DCHS2: variants seen among roughly 807,000 people sequenced by gnomAD.
The protein encoded by DCHS2 is dachsous cadherin-related 2, also known as protocadherin-23.
Under a neutral mutation model 182.4 loss-of-function variants are expected in DCHS2, and 142 were observed. That is an observed-to-expected ratio of 0.78 (90% CI 0.68 to 0.89). The LOEUF (loss-of-function observed/expected upper bound fraction) is 0.89, where lower values mean the gene tolerates loss of function less well. Ranked by LOEUF, DCHS2 falls within the 40% of genes least tolerant of loss-of-function variation. The pLI, the probability that DCHS2 is intolerant of heterozygous loss-of-function variation, is 0.00. For synonymous variants in DCHS2, 1,740 were observed against 1,663.3 expected (o/e 1.05, Z -1.12); for missense variants, 4,319 against 4,198.6 (o/e 1.03, Z -0.79).
At chr4:154,424,514 C>T (rs941502043) in intron 1 of DCHS2, among the ~76,000 whole-genome samples, 1 of 152,106 alleles carries the variant, frequency 6.6e-6, no homozygotes, top group African/African-American at 2.4e-5. Flanking sequence ...AGCTACAGAT[C>T]CAAACAACTA....
At chr4:154,349,058 G>T (rs752096634) in intron 3 of DCHS2, among the ~76,000 whole-genome samples, 5 of 151,972 alleles carry the variant, frequency 3.3e-5, no homozygotes, top group Non-Finnish European at 7.4e-5. Context: ...GGCAGTTAAT[G>T]CTCAATAAAT....
chr4:154,472,544 A>G lies in DCHS2; in HGVS notation c.2052+16760T>C, dbSNP rs776005452. On this transcript the variant is annotated intron_variant, in intron 1 of 19. Coordinates refer to ENST00000357232, the MANE Select transcript of DCHS2 (RefSeq NM_001358235.2). ...CTCATTTTTCCCCTAAACTTTTGGC[A>G]TACACAACATTTCCAGGAAACTGTT... is the stretch of plus-strand genomic sequence containing the variant. 2.0e-5 allele frequency among the ~76,000 whole-genome samples: 3 copies of G among 152,218 alleles called. No homozygotes were observed. The South Asian group carries it at 6.2e-4, about 32-fold the overall frequency.
At chr4:154,425,870 T>C (rs1733303874) in intron 1 of DCHS2, among the ~76,000 whole-genome samples, 1 of 152,120 alleles carries the variant, frequency 6.6e-6, no homozygotes. Context: ...GTTCTGGCCC[T>C]GGGCAAAAAA....
intron 1 of DCHS2, among the ~76,000 whole-genome samples, chr4:154,385,947 A>C (rs558761327): frequency 7.9e-5 from 12 of 151,900 alleles, no homozygotes; most frequent in African/African-American, 2.7e-4. Context: ...TGGGCTCCAG[A>C]CTCTGCATCC....
intron 2 of DCHS2, among the ~76,000 whole-genome samples, chr4:154,373,668 T>C (rs200438813): frequency 6.6e-6 from 1 of 151,950 alleles, no homozygotes; most frequent in Non-Finnish European, 1.5e-5. Flanking sequence ...TAAACCTACT[T>C]CAGGAGGGGT....
chr4:154,426,676 G>A (rs1404927542), intron 1 of DCHS2, among the ~76,000 whole-genome samples: 1 of 152,152 alleles, frequency 6.6e-6, no homozygotes, highest in Non-Finnish European at 1.5e-5. Context: ...GCTCATGCCT[G>A]TAATCCCAAC....
chr4:154,410,567 T>A (rs1463724546), intron 1 of DCHS2, among the ~76,000 whole-genome samples: 1 of 76,238 alleles, frequency 1.3e-5, no homozygotes. Context: ...AGAGCAAGAC[T>A]CCATCTCAAA....
At chr4:154,251,479 A>T (rs1310103565) in intron 16 of DCHS2, among the ~76,000 whole-genome samples, 3 of 152,166 alleles carry the variant, frequency 2.0e-5, no homozygotes, top group Admixed American at 6.5e-5. Context: ...TATTGTGATT[A>T]TTAATGTGCC....
At chr4:154,288,007 A>G (rs12508314) in intron 13 of DCHS2, among the ~76,000 whole-genome samples, 4,064 of 152,290 alleles carry the variant, frequency 0.027, 281 homozygotes, top group Admixed American at 0.16. Flanking sequence ...AGATAAGAAA[A>G]AGGGAAGAGA....
chr4:154,404,548 T>C (rs1050396077), intron 1 of DCHS2, among the ~76,000 whole-genome samples: 3 of 152,222 alleles, frequency 2.0e-5, no homozygotes, highest in Non-Finnish European at 2.9e-5. Flanking sequence ...GAAAGAGTTG[T>C]TCAAATCTAT....
intron 1 of DCHS2, among the ~76,000 whole-genome samples, chr4:154,392,697 T>C (rs1395546043): frequency 6.6e-6 from 1 of 152,230 alleles, no homozygotes; most frequent in East Asian, 1.9e-4. Context: ...TGCACCGTTT[T>C]GTATACCAGC....
At chr4:154,468,509 T>C (rs1469944304) in intron 1 of DCHS2, among the ~76,000 whole-genome samples, 3 of 152,244 alleles carry the variant, frequency 2.0e-5, no homozygotes, top group African/African-American at 7.2e-5. Flanking sequence ...TTCATTAAAA[T>C]CCTCACCTGC....
chr4:154,471,031 C>T lies in DCHS2; in HGVS notation c.2052+18273G>A, dbSNP rs150644481. Among the ~76,000 whole-genome samples, 111 of 152,230 alleles carry T rather than the reference C, an allele frequency of 7.3e-4. 1 individual carries two copies. Among genetic ancestry groups the T allele is most frequent in the Middle Eastern group, 3.4e-3 (1 of 294 alleles). ...ACATCAAAACTTACCTTCTTCCAGC[C>T]CTTCACGGTGGATGAAGAGAAGAAA... On this transcript the variant is annotated intron_variant, in intron 1 of 19. Coordinates refer to ENST00000357232, the MANE Select transcript of DCHS2 (RefSeq NM_001358235.2).
At chr4:154,479,616 G>A (rs1735833769) in intron 1 of DCHS2, among the ~76,000 whole-genome samples, 1 of 152,138 alleles carries the variant, frequency 6.6e-6, no homozygotes, top group Admixed American at 6.5e-5. Context: ...TGGCAAATCT[G>A]AATACTATTG....
chr4:154,439,131 A>G (rs151171487), intron 1 of DCHS2, among the ~76,000 whole-genome samples: 1 of 152,352 alleles, frequency 6.6e-6, no homozygotes, highest in Non-Finnish European at 1.5e-5. Context: ...TACATTTAAT[A>G]CATTTCCCTA....
chr4:154,435,736 C>T lies in DCHS2; in HGVS notation c.2052+53568G>A, dbSNP rs535157894. ...AAATAATCCAAATTGTACCTACCAGCTACCAAAAATTAAAACCAATAAACT... is the reference window on the plus strand; with the variant it reads ...AAATAATCCAAATTGTACCTACCAGTTACCAAAAATTAAAACCAATAAACT... On this transcript the variant is annotated intron_variant, in intron 1 of 19. Coordinates refer to ENST00000357232, the MANE Select transcript of DCHS2 (RefSeq NM_001358235.2). Among the ~76,000 whole-genome samples, 8 of 152,244 alleles carry T rather than the reference C, an allele frequency of 5.3e-5. No homozygotes were observed. The South Asian group carries it at 1.0e-3, about 20-fold the overall frequency.
At chr4:154,380,016 C>T (rs185415601) in intron 1 of DCHS2, among the ~76,000 whole-genome samples, 27 of 152,104 alleles carry the variant, frequency 1.8e-4, no homozygotes, top group East Asian at 5.8e-4. Context: ...TGGGTTAATT[C>T]GAGAGATACT....
chr4:154,325,837 A>G (rs1313435744), intron 7 of DCHS2, among the ~76,000 whole-genome samples: 1 of 152,242 alleles, frequency 6.6e-6, no homozygotes, highest in African/African-American at 2.4e-5. Flanking sequence ...GAAGAACTGC[A>G]TATGTAACTT....
At chr4:154,346,827 A>T (rs1729382760) in intron 3 of DCHS2, among the ~76,000 whole-genome samples, 1 of 151,530 alleles carries the variant, frequency 6.6e-6, no homozygotes, top group Admixed American at 6.6e-5. Flanking sequence ...TTAAACCCAT[A>T]CTCCCCCTCT....
Sources: gnomAD v4.1 joint callset for allele counts (sites outside exome capture counted in the v4.1 genomes callset) on GRCh38, gnomAD v4.1.1 for gene constraint, MANE v1.5 for transcripts, NCBI Gene and HGNC (gene_info 2026-07-23, HGNC 2026-07-21) for gene names.